Variants in LRRC8D observed in about 807,000 individuals in gnomAD.
LRRC8D encodes leucine rich repeat containing 8 VRAC subunit D.
In LRRC8D, 20 loss-of-function variants were observed where a neutral mutation model predicts 55.8. The ratio of observed to expected loss-of-function variants is 0.36; its 90% CI spans 0.25 to 0.52. LRRC8D has a LOEUF of 0.52. Among genes scored for constraint, LRRC8D ranks in the 20% least tolerant of loss-of-function variants. The pLI, the probability that LRRC8D is intolerant of heterozygous loss-of-function variation, is 0.93. For synonymous variants in LRRC8D, 352 were observed against 377.0 expected, an observed-to-expected ratio of 0.93 and a Z score of 0.77; for missense variants, 651 against 1,030.8, an observed-to-expected ratio of 0.63 and a Z score of 5.05.
intron 2 of LRRC8D, among the ~76,000 whole-genome samples, chr1:89,866,931 A>T (rs188200467): frequency 3.9e-5 from 6 of 152,324 alleles, no homozygotes; most frequent in Admixed American, 3.9e-4. Context: ...TGTCGACCCC[A>T]AAGTCGAAGG....
chr1:89,897,592 G>A (rs1039139490), intron 2 of LRRC8D, among the ~76,000 whole-genome samples: 4 of 152,160 alleles, frequency 2.6e-5, no homozygotes, highest in African/African-American at 9.7e-5. Context: ...ACACACGCAG[G>A]ACCTAGGAGG....
chr1:89,928,194 C>T (rs948651077), intron 2 of LRRC8D, among the ~76,000 whole-genome samples: 2 of 152,172 alleles, frequency 1.3e-5, no homozygotes, highest in African/African-American at 4.8e-5. Context: ...CCTCAGCCTC[C>T]TGAGTAGCTG....
rs998455036 is a variant in LRRC8D at position 89,849,681 on chromosome 1, C to G, written c.-3+5899C>G. Among the ~76,000 whole-genome samples, 7 of 151,978 alleles carry G rather than the reference C, an allele frequency of 4.6e-5. No individual in the cohort carries two copies. In the East Asian group the frequency reaches 9.6e-4, roughly 21 times the overall value. ...TTTTCCATGAATTGTCTTTTTATGT[C>G]TTTAGCCTGCCCTTTATTTTCTGTT... On this transcript the variant is annotated intron_variant, in intron 2 of 2. Coordinates refer to ENST00000337338, the MANE Select transcript of LRRC8D (RefSeq NM_001134479.2).
intron 2 of LRRC8D, among the ~76,000 whole-genome samples, chr1:89,928,306 G>A (rs1056903467): frequency 2.0e-5 from 3 of 152,046 alleles, no homozygotes; most frequent in African/African-American, 7.2e-5. Context: ...CCTGACCTCA[G>A]GTGATCTGCC....
At chr1:89,888,744 A>G (rs955324916) in intron 2 of LRRC8D, among the ~76,000 whole-genome samples, 11 of 152,212 alleles carry the variant, frequency 7.2e-5, no homozygotes, top group Non-Finnish European at 1.6e-4. Context: ...TAACAAACCC[A>G]CAATGACGAA....
At chr1:89,872,479 A>G (rs530218650) in intron 2 of LRRC8D, among the ~76,000 whole-genome samples, 1 of 152,374 alleles carries the variant, frequency 6.6e-6, no homozygotes, top group South Asian at 2.1e-4. Context: ...GTTATAGAAC[A>G]GGCAAGACAT....
intron 1 of LRRC8D, among the ~76,000 whole-genome samples, chr1:89,823,958 C>G (rs949173947): frequency 5.3e-5 from 8 of 152,216 alleles, no homozygotes; most frequent in African/African-American, 1.9e-4. Flanking sequence ...TCGTGAAAAA[C>G]TTAACCACAA....
chr1:89,860,014 C>T (rs546649086), intron 2 of LRRC8D, among the ~76,000 whole-genome samples: 2 of 152,328 alleles, frequency 1.3e-5, no homozygotes, highest in South Asian at 2.1e-4. Flanking sequence ...AACGTTTTTA[C>T]AGCAGTGTCA....
intron 2 of LRRC8D, among the ~76,000 whole-genome samples, chr1:89,922,684 TAGAG>T (rs1318174203): frequency 2.0e-5 from 3 of 152,214 alleles, no homozygotes; most frequent in Non-Finnish European, 2.9e-5. Context: ...GCATGAATGT[TAGAG>T]AGGTAATAAT....
chr1:89,931,048 A>C (rs958150704), intron 2 of LRRC8D, among the ~76,000 whole-genome samples: 4 of 126,878 alleles, frequency 3.2e-5, no homozygotes, highest in Non-Finnish European at 4.8e-5. Flanking sequence ...GTTACCAGGC[A>C]TTTCATACTT....
chr1:89,840,207 G>A (rs1232275756), intron 1 of LRRC8D, among the ~76,000 whole-genome samples: 4 of 149,350 alleles, frequency 2.7e-5, no homozygotes, highest in Middle Eastern at 3.4e-3. Context: ...ATACATACAC[G>A]TGCACACACA....
At chr1:89,921,421 A>T (rs1266478219) in intron 2 of LRRC8D, among the ~76,000 whole-genome samples, 2 of 152,256 alleles carry the variant, frequency 1.3e-5, no homozygotes, top group Non-Finnish European at 2.9e-5. Flanking sequence ...TTCTTTATAC[A>T]TTAAATTCTT....
intron 2 of LRRC8D, among the ~76,000 whole-genome samples, chr1:89,872,919 A>G (rs1285246903): frequency 1.3e-5 from 2 of 152,222 alleles, no homozygotes; most frequent in Non-Finnish European, 2.9e-5. Flanking sequence ...GATAGGATTA[A>G]TGTAGAGTTG....
Position 89,935,166 on chromosome 1 carries a change from C to G in LRRC8D, c.2098C>G (p.Pro700Ala), listed in dbSNP as rs376123276. ...GCATAACAAAATTGTTACTATTCCT[C>G]CCTCTATTACCCATGTCAAAAACTT... ...LWHNKIVTIP[P>A]SITHVKNLES... The change falls in exon 3 of 3, where the codon CCC becomes GCC. Residue 700 changes from proline (P) to alanine (A), a missense_variant. This residue lies in a region of LRRC8D where 338 missense variants were observed against 479.4 expected (regional missense o/e 0.71). Transcript: ENST00000337338. 7.4e-6 allele frequency: 12 copies of G among 1,614,036 alleles called. No homozygotes were observed. The highest frequency in any genetic ancestry group is 9.3e-6 in the Non-Finnish European group (11 of 1,180,024).
At chr1:89,828,961 A>G (rs902568481) in intron 1 of LRRC8D, among the ~76,000 whole-genome samples, 1 of 152,250 alleles carries the variant, frequency 6.6e-6, no homozygotes, top group African/African-American at 2.4e-5. Flanking sequence ...ATTGGCCGCC[A>G]GAAAGCTGTG....
At chr1:89,873,634 C>T (rs2816853) in intron 2 of LRRC8D, among the ~76,000 whole-genome samples, 49,572 of 152,058 alleles carry the variant, frequency 0.33, 8,631 homozygotes, top group African/African-American at 0.44. Flanking sequence ...AAATATGAAA[C>T]ATATCTTTGT....
intron 1 of LRRC8D, among the ~76,000 whole-genome samples, chr1:89,832,888 T>G (rs1660920843): frequency 6.6e-6 from 1 of 152,266 alleles, no homozygotes; most frequent in Admixed American, 6.5e-5. Context: ...AGGCACTGTT[T>G]GCAGCACTTT....
intron 2 of LRRC8D, among the ~76,000 whole-genome samples, chr1:89,879,228 A>G (rs1662220414): frequency 6.6e-6 from 1 of 152,252 alleles, no homozygotes; most frequent in South Asian, 2.1e-4. Context: ...CTATAAATTC[A>G]ATGTCTGTTC....
intron 1 of LRRC8D, among the ~76,000 whole-genome samples, chr1:89,840,221 G>C (rs913337586): frequency 2.1e-5 from 3 of 143,466 alleles, no homozygotes; most frequent in African/African-American, 8.0e-5. Flanking sequence ...ACACACACAC[G>C]TGCGCATGCA....
Sources: allele counts gnomAD v4.1 joint callset (sites outside exome capture counted in the v4.1 genomes callset), GRCh38; gene constraint gnomAD v4.1.1; regional missense constraint gnomAD v4.1.1; transcripts MANE v1.5; gene names NCBI Gene and HGNC (gene_info 2026-07-23, HGNC 2026-07-21).